PAX5: variants seen among roughly 807,000 people sequenced by gnomAD.
PAX5 encodes paired box protein Pax-5.
Under a neutral mutation model 43.7 loss-of-function variants are expected in PAX5, and 9 were observed. The observed-to-expected ratio is 0.21, with a 90% CI of 0.12 to 0.36. The LOEUF (loss-of-function observed/expected upper bound fraction) is 0.36, where lower values mean the gene tolerates loss of function less well. Among genes scored for constraint, PAX5 ranks in the 10% least tolerant of loss-of-function variants. The probability of loss-of-function intolerance (pLI) is 1.00; values close to 1 mark genes in which losing one functional copy is unlikely to be tolerated. For synonymous variants in PAX5, 228 were observed against 214.3 expected (o/e 1.06, Z -0.56); for missense variants, 383 against 532.7 (o/e 0.72, Z 2.77).
At chr9:36,953,848 T>G (rs1417607029) in intron 6 of PAX5, among the ~76,000 whole-genome samples, 1 of 152,094 alleles carries the variant, frequency 6.6e-6, no homozygotes, top group Non-Finnish European at 1.5e-5. Context: ...CAAGGCAGGT[T>G]GATTACCTGG....
At position 36,882,091 on chromosome 9, in the gene PAX5, T is replaced by C; in HGVS notation, c.925A>G (p.Ser309Gly). 2 of 1,598,416 alleles carry C rather than the reference T, an allele frequency of 1.3e-6. No individual in the cohort carries two copies. ...GGAGGGTACCCGGGGAGGGTCGTGC[T>C]CGCCAAGTCACGGCCTGAGGAATCA... The part of the protein sequence containing the change: ...YPIVTGRDLA[S>G]TTLPGYPPHV... The change falls in exon 8 of 10, where the codon AGC becomes GGC. Residue 309 changes from serine (S) to glycine (G), a missense_variant. Ser to Gly is a moderately conservative substitution (Grantham distance 56). Coordinates refer to ENST00000358127, the MANE Select transcript of PAX5 (RefSeq NM_016734.3). This position sits in a 1 kb window ranked among gnomAD's most constrained non-coding sequence, Gnocchi z 4.4.
At chr9:37,024,383 G>A (rs573248203) in intron 1 of PAX5, among the ~76,000 whole-genome samples, 7 of 152,258 alleles carry the variant, frequency 4.6e-5, no homozygotes, top group South Asian at 2.1e-4. Context: ...GTAGGGGGAC[G>A]GAGGCAGGGA....
chr9:36,946,325 A>G (rs546579727), intron 6 of PAX5, among the ~76,000 whole-genome samples: 1 of 152,350 alleles, frequency 6.6e-6, no homozygotes, highest in South Asian at 2.1e-4. Context: ...CGGTGCACAG[A>G]TGGACAGCTC....
intron 8 of PAX5, among the ~76,000 whole-genome samples, chr9:36,848,122 C>T (rs1379011325): frequency 6.6e-6 from 1 of 152,122 alleles, no homozygotes; most frequent in Non-Finnish European, 1.5e-5. Flanking sequence ...CCACGATCCC[C>T]TACAAGGATG....
chr9:37,021,982 T>A (rs1839895536), intron 1 of PAX5, among the ~76,000 whole-genome samples: 1 of 152,182 alleles, frequency 6.6e-6, no homozygotes, highest in Non-Finnish European at 1.5e-5. Context: ...CTCTAAAATA[T>A]GAAATAGCCA....
intron 8 of PAX5, among the ~76,000 whole-genome samples, chr9:36,855,739 C>T (rs1482476857): frequency 1.3e-5 from 2 of 152,176 alleles, no homozygotes; most frequent in African/African-American, 2.4e-5. Flanking sequence ...CCCTACCCGC[C>T]ACAAGCCATA....
chr9:36,969,447 C>T (rs1304004007), intron 5 of PAX5, among the ~76,000 whole-genome samples: 1 of 152,248 alleles, frequency 6.6e-6, no homozygotes, highest in Non-Finnish European at 1.5e-5. Flanking sequence ...CCCCTGGGGG[C>T]AAGGTCACTG....
At chr9:36,961,405 TG>T (rs1313921147) in intron 6 of PAX5, among the ~76,000 whole-genome samples, 1 of 152,248 alleles carries the variant, frequency 6.6e-6, no homozygotes, top group Non-Finnish European at 1.5e-5. Flanking sequence ...TCTCTGTCTC[TG>T]GCCCAATGGG....
At chr9:37,013,875 C>T (rs184975469) in intron 3 of PAX5, among the ~76,000 whole-genome samples, 9 of 152,278 alleles carry the variant, frequency 5.9e-5, no homozygotes, top group Non-Finnish European at 1.2e-4. Flanking sequence ...ACATGCACTC[C>T]CACAGCGATC....
intron 8 of PAX5, chr9:36,861,013 G>A (rs1018767187): frequency 6.6e-6 from 1 of 152,470 alleles, no homozygotes; most frequent in Admixed American, 6.5e-5. Flanking sequence ...TGGCTCTGCA[G>A]GGAGGGAGTC....
At chr9:37,005,376 G>A (rs1838304321) in intron 4 of PAX5, among the ~76,000 whole-genome samples, 1 of 152,214 alleles carries the variant, frequency 6.6e-6, no homozygotes, top group Non-Finnish European at 1.5e-5. Flanking sequence ...ACTTTCTGAA[G>A]GGATTACTAA....
At position 36,839,330 on chromosome 9, in the gene PAX5, G is replaced by T. The variant is rs371098725; in HGVS notation, c.*1230C>A. On this transcript the variant is annotated 3_prime_UTR_variant, in exon 10 of 10. Coordinates refer to ENST00000358127, the MANE Select transcript of PAX5 (RefSeq NM_016734.3). ...ACCATCGCGGCCCCTTAGATCAACAGGTGGGCATGCATTGTGCGAAATTAG... is the reference window on the plus strand; with the variant it reads ...ACCATCGCGGCCCCTTAGATCAACATGTGGGCATGCATTGTGCGAAATTAG... The T allele has an allele frequency of 4.3e-6, 1 of 233,388 alleles. No homozygotes were observed. The highest frequency in any genetic ancestry group is 6.0e-5 in the East Asian group (1 of 16,604). The allele number at this position is 233,388 out of a possible 1,614,324, so 14.5% of individuals were successfully genotyped here.
At chr9:37,033,506 A>G (rs1047502173) in intron 1 of PAX5, among the ~76,000 whole-genome samples, 4 of 152,146 alleles carry the variant, frequency 2.6e-5, no homozygotes, top group Non-Finnish European at 5.9e-5. Flanking sequence ...TTACATAAAT[A>G]ACACTCATAG....
chr9:36,910,854 G>A (rs1018769620), intron 7 of PAX5, among the ~76,000 whole-genome samples: 2 of 152,142 alleles, frequency 1.3e-5, no homozygotes, highest in Non-Finnish European at 2.9e-5. Flanking sequence ...AAGAGCCCTC[G>A]AAGCCTGATT....
chr9:36,880,280 C>G (rs1296300397), intron 8 of PAX5, among the ~76,000 whole-genome samples: 1 of 152,238 alleles, frequency 6.6e-6, no homozygotes, highest in Non-Finnish European at 1.5e-5. Flanking sequence ...ACACCCAGCC[C>G]GCACATCCAA....
intron 5 of PAX5, among the ~76,000 whole-genome samples, chr9:37,001,292 C>A (rs541052020): frequency 3.3e-5 from 5 of 152,214 alleles, no homozygotes; most frequent in Admixed American, 1.3e-4. Flanking sequence ...GATCCCTCAG[C>A]CTCTGGGGGA....
intron 5 of PAX5, among the ~76,000 whole-genome samples, chr9:36,993,788 C>G (rs973065803): frequency 1.3e-5 from 2 of 152,126 alleles, no homozygotes; most frequent in Non-Finnish European, 2.9e-5. Flanking sequence ...GACTATATCC[C>G]CCTCCATCGG....
rs201198220 is a variant in PAX5 at position 36,880,876 on chromosome 9, C to T, written c.1012+1128G>A. 7.9e-5 allele frequency among the ~76,000 whole-genome samples: 12 copies of T among 152,302 alleles called. 1 individual carries two copies. The East Asian group carries it at 2.3e-3, about 29-fold the overall frequency. On this transcript the variant is annotated intron_variant, in intron 8 of 9. Coordinates refer to ENST00000358127, the MANE Select transcript of PAX5 (RefSeq NM_016734.3). ...TACAGGCATGAGCCACTGTGCCCGG[C>T]CCAGTCTGGCTTTTTTAGGTGCCCA...
At chr9:36,863,075 C>T (rs998405054) in intron 8 of PAX5, among the ~76,000 whole-genome samples, 1 of 152,120 alleles carries the variant, frequency 6.6e-6, no homozygotes, top group Non-Finnish European at 1.5e-5. Flanking sequence ...AAGGAAGGAA[C>T]AAGGTGCTGA....
Sources: allele counts gnomAD v4.1 joint callset (sites outside exome capture counted in the v4.1 genomes callset), GRCh38; gene constraint gnomAD v4.1.1; non-coding constraint Gnocchi (gnomAD v3.1); transcripts MANE v1.5; gene names NCBI Gene and HGNC (gene_info 2026-07-23, HGNC 2026-07-21).